The following SPTBN1 variants were observed in gnomAD, a reference collection of about 807,000 sequenced individuals.
SPTBN1 encodes the protein spectrin beta chain, non-erythrocytic 1.
In SPTBN1, 32 loss-of-function variants were observed where a neutral mutation model predicts 266.4. The ratio of observed to expected loss-of-function variants is 0.12; its 90% CI spans 0.09 to 0.16. The LOEUF is 0.16. Among genes scored for constraint, SPTBN1 ranks in the 10% least tolerant of loss-of-function variants. The pLI is 1.00. For missense variants in SPTBN1, 2,296 were observed against 3,067.1 expected (o/e 0.75, Z 5.94); for synonymous variants, 1,336 against 1,162.2 (o/e 1.15, Z -3.04).
At chr2:54,535,003 A>G (rs903436072) in intron 2 of SPTBN1, 4 of 150,918 alleles carry the variant, frequency 2.7e-5, no homozygotes, top group African/African-American at 4.9e-5. Context: ...CATTCTCTCC[A>G]CTCCACCAGA....
chr2:54,555,338 T>G (rs1290137966), intron 2 of SPTBN1, among the ~76,000 whole-genome samples: 1 of 152,188 alleles, frequency 6.6e-6, no homozygotes, highest in African/African-American at 2.4e-5. Context: ...TGCAGGTAAC[T>G]CAGATTCCAC....
At chr2:54,659,680 T>C (rs1680906830) in intron 31 of SPTBN1, among the ~76,000 whole-genome samples, 1 of 152,220 alleles carries the variant, frequency 6.6e-6, no homozygotes, top group South Asian at 2.1e-4. Context: ...ATTATTTTGC[T>C]ATGGTAAGAG....
intron 1 of SPTBN1, among the ~76,000 whole-genome samples, chr2:54,481,391 AGTGTGTGTGTGTGTGTGTGTGTGTGT>A (rs72077761): frequency 6.8e-5 from 8 of 117,408 alleles, no homozygotes; most frequent in Non-Finnish European, 5.3e-5. Flanking sequence ...CAGAAACCTG[AGTGTGTGTGTGTGTGTGTGTGTGTGT>A]GTGTGTGTGT....
chr2:54,477,350 A>G (rs1049667869), intron 1 of SPTBN1, among the ~76,000 whole-genome samples: 1 of 151,820 alleles, frequency 6.6e-6, no homozygotes, highest in Non-Finnish European at 1.5e-5. Flanking sequence ...GTAAAACTTG[A>G]TAAAGACTAA....
chr2:54,647,974 C>T (rs748886755), intron 24 of SPTBN1, among the ~76,000 whole-genome samples: 2 of 152,174 alleles, frequency 1.3e-5, no homozygotes, highest in Non-Finnish European at 2.9e-5. Flanking sequence ...GAGCATTAGA[C>T]AAGAATGCAT....
chr2:54,628,110 C>A lies in SPTBN1; in HGVS notation c.1658C>A (p.Ser553Tyr), dbSNP rs549681124. The A allele has an allele frequency of 6.2e-7, 1 of 1,612,790 alleles. No homozygotes were observed. Among genetic ancestry groups the A allele is most frequent in the South Asian group, 1.1e-5 (1 of 90,882 alleles). ...WMDEMKVLVL[S>Y]QDYGKHLLGV... ...TCTTGTGCACAGGTGCTAGTATTGT[C>A]TCAAGACTATGGCAAACACTTACTT... is the stretch of plus-strand genomic sequence containing the variant. The change falls in exon 13 of 36, where the codon TCT becomes TAT. Residue 553 changes from serine to tyrosine, a missense_variant. Transcript: ENST00000356805. This position sits in a 1 kb window ranked among gnomAD's most constrained non-coding sequence, Gnocchi z 4.3.
At chr2:54,521,361 G>A (rs1046884238) in intron 1 of SPTBN1, among the ~76,000 whole-genome samples, 1 of 152,206 alleles carries the variant, frequency 6.6e-6, no homozygotes, top group Admixed American at 6.5e-5. Context: ...AAATTGCCTT[G>A]AAAATAAAAT....
At chr2:54,462,844 G>A (rs1184041972) in intron 1 of SPTBN1, among the ~76,000 whole-genome samples, 1 of 152,210 alleles carries the variant, frequency 6.6e-6, no homozygotes, top group African/African-American at 2.4e-5. Flanking sequence ...TTCTGTTCCT[G>A]GCAGACATCG....
rs530188247 is a variant in SPTBN1, at chr2:54,469,165, C to G, written c.-48+12647C>G. On this transcript the variant is annotated intron_variant, in intron 1 of 35. Transcript: ENST00000356805. ...GGAGGTGACTTGCTGGCCTTTGTTG[C>G]CTTTAACTCTAGTATTCGGCTTCTT... Among the ~76,000 whole-genome samples the G allele has an allele frequency of 3.9e-5, 6 of 152,204 alleles. No homozygotes were observed. In the South Asian group the frequency reaches 1.2e-3, roughly 32 times the overall value.
chr2:54,537,859 T>G (rs1671700881), intron 2 of SPTBN1, among the ~76,000 whole-genome samples: 1 of 152,120 alleles, frequency 6.6e-6, no homozygotes, highest in African/African-American at 2.4e-5. Context: ...ATTAGGGGTG[T>G]TTGGGAGAAA....
chr2:54,467,646 A>G lies in SPTBN1; in HGVS notation c.-48+11128A>G, dbSNP rs1445567986. ...GTGATCCACCCTCCTTGGCCTCCCA[A>G]AATTCTGGGATTACAGGCGTGAGCC... On this transcript the variant is annotated intron_variant, in intron 1 of 35. Transcript: ENST00000356805. Among the ~76,000 whole-genome samples the G allele has an allele frequency of 1.3e-5, 2 of 152,164 alleles. 1 individual carries two copies. Among genetic ancestry groups the G allele is most frequent in the African/African-American group, 4.8e-5 (2 of 41,420 alleles).
chr2:54,525,980 C>T (rs1670790607), intron 1 of SPTBN1, among the ~76,000 whole-genome samples: 1 of 152,250 alleles, frequency 6.6e-6, no homozygotes. Context: ...GATCTGCCCA[C>T]CTCGGCCTCC....
At chr2:54,488,405 G>A (rs1189463550) in intron 1 of SPTBN1, among the ~76,000 whole-genome samples, 2 of 152,182 alleles carry the variant, frequency 1.3e-5, no homozygotes, top group Admixed American at 6.5e-5. Context: ...CTGCCGTGAT[G>A]TCTGACTCAT....
chr2:54,457,327 A>T (rs1024958211), intron 1 of SPTBN1: 1 of 152,016 alleles, frequency 6.6e-6, no homozygotes, highest in African/African-American at 2.4e-5. Flanking sequence ...CTGGCTCGTC[A>T]TCACCCCCCA....
At chr2:54,471,780 T>A (rs1693930453) in intron 1 of SPTBN1, among the ~76,000 whole-genome samples, 1 of 148,354 alleles carries the variant, frequency 6.7e-6, no homozygotes, top group Non-Finnish European at 1.5e-5. Flanking sequence ...TACCAAGAGG[T>A]GCTTTCCTCT....
intron 2 of SPTBN1, chr2:54,529,268 A>G (rs1671043850): frequency 4.7e-6 from 2 of 430,066 alleles, no homozygotes; most frequent in Non-Finnish European, 8.9e-6. Context: ...ATCTGGACCG[A>G]GCTAAAGTCT....
Position 54,558,560 on chromosome 2 carries a change from G to T in SPTBN1, c.148+31994G>T. ...GGCAAGGGCCACGGAAGAAGGGAAA[G>T]CAAGAAATTAGATGCCTGTGTGGTA... On this transcript the variant is annotated intron_variant, in intron 2 of 35. Transcript: ENST00000356805. The surrounding 1 kb of genome is among the most constrained non-coding windows in gnomAD (Gnocchi z 4.6). The T allele has an allele frequency of 5.3e-6, 7 of 1,323,218 alleles. No homozygotes were observed. The highest frequency in any genetic ancestry group is 6.8e-6 in the Non-Finnish European group (7 of 1,034,104). The allele number at this position is 1,323,218 out of a possible 1,614,324, so 82.0% of individuals were successfully genotyped here.
At chr2:54,596,497 C>G (rs964517869) in intron 2 of SPTBN1, among the ~76,000 whole-genome samples, 4 of 152,024 alleles carry the variant, frequency 2.6e-5, no homozygotes, top group African/African-American at 9.7e-5. Context: ...GGTGTTGATT[C>G]TGGTCTGGTC....
chr2:54,506,894 C>CTGTTTTTTT (rs5831310), intron 1 of SPTBN1, among the ~76,000 whole-genome samples: 1 of 133,504 alleles, frequency 7.5e-6, no homozygotes, highest in Admixed American at 7.5e-5. Context: ...GGTTCTCTCT[C>CTGTTTTTTT]TTTTTTTTTT....
Sources: gnomAD v4.1 joint callset for allele counts (sites outside exome capture counted in the v4.1 genomes callset) on GRCh38, gnomAD v4.1.1 for gene constraint, Gnocchi (gnomAD v3.1) non-coding constraint, MANE v1.5 for transcripts, NCBI Gene and HGNC (gene_info 2026-07-23, HGNC 2026-07-21) for gene names.